ASCC3: variants seen among roughly 807,000 people sequenced by gnomAD.
ASCC3 encodes the protein activating signal cointegrator 1 complex subunit 3.
A neutral mutation model predicts 256.3 loss-of-function variants in ASCC3; 158 were observed. That is an observed-to-expected ratio of 0.62 (90% CI 0.54 to 0.70). ASCC3 has a LOEUF of 0.70. Among genes scored for constraint, ASCC3 ranks in the 30% least tolerant of loss-of-function variants. The probability of loss-of-function intolerance (pLI) is 0.00; values close to 1 mark genes in which losing one functional copy is unlikely to be tolerated. For missense variants in ASCC3, 2,259 were observed against 2,626.0 expected, an observed-to-expected ratio of 0.86 and a Z score of 3.05; for synonymous variants, 948 against 883.4, an observed-to-expected ratio of 1.07 and a Z score of -1.30.
At position 100,512,772 on chromosome 6, in the gene ASCC3, C is replaced by T. The variant is rs1444027125; in HGVS notation, c.6222G>A (p.Leu2074=). ...DKRDDNKWIK[L]HADQEYVLQV... ...GAAGCACATACTCTTGGTCAGCATG[C>T]AATTTGATCCATTTGTTGTCATCTC... is the stretch of plus-strand genomic sequence containing the variant. The change falls in exon 40 of 42, where the codon TTG becomes TTA. Residue 2074 remains leucine (L), a synonymous_variant. Coordinates refer to ENST00000369162, the MANE Select transcript of ASCC3 (RefSeq NM_006828.4). 2.5e-6 allele frequency: 4 copies of T among 1,613,996 alleles called. No homozygotes were observed. Among genetic ancestry groups the T allele is most frequent in the Non-Finnish European group, 3.4e-6 (4 of 1,180,006 alleles).
intron 37 of ASCC3, among the ~76,000 whole-genome samples, chr6:100,532,723 G>A (rs1774978041): frequency 6.6e-6 from 1 of 151,824 alleles, no homozygotes; most frequent in Non-Finnish European, 1.5e-5. Flanking sequence ...CATTAAAACT[G>A]CTTTTCATTT....
intron 30 of ASCC3, among the ~76,000 whole-genome samples, chr6:100,623,564 G>T (rs1774073048): frequency 6.6e-6 from 1 of 152,084 alleles, no homozygotes; most frequent in Non-Finnish European, 1.5e-5. Flanking sequence ...TTGGAACATT[G>T]TTTTTTACTG....
intron 30 of ASCC3, among the ~76,000 whole-genome samples, chr6:100,623,532 T>C (rs758973041): frequency 6.6e-6 from 1 of 152,172 alleles, no homozygotes; most frequent in Non-Finnish European, 1.5e-5. Flanking sequence ...ATGCAAACTG[T>C]TAATCCTGGG....
At chr6:100,643,420 T>C (rs77440142) in intron 23 of ASCC3, among the ~76,000 whole-genome samples, 4,605 of 152,212 alleles carry the variant, frequency 0.03, 75 homozygotes, top group African/African-American at 0.055. Context: ...ATCCTACCTA[T>C]TTTACATATT....
chr6:100,529,055 T>C (rs983920185), intron 37 of ASCC3, among the ~76,000 whole-genome samples: 3 of 152,146 alleles, frequency 2.0e-5, no homozygotes, highest in African/African-American at 7.2e-5. Flanking sequence ...GGTGGCACCA[T>C]CAGTGGTGGT....
rs573278085 is a variant in ASCC3, at chr6:100,556,625, G to A, written c.5551-16238C>T. Among the ~76,000 whole-genome samples, 5 of 152,248 alleles carry A rather than the reference G, an allele frequency of 3.3e-5. 1 individual carries two copies. Among genetic ancestry groups the A allele is most frequent in the African/African-American group, 1.2e-4 (5 of 41,560 alleles). On this transcript the variant is annotated intron_variant, in intron 36 of 41. Transcript: ENST00000369162. ...GGAGGACCTTGACAGCCAGGCTAACGAAATAATTCTTTATTATGTATATAA... is the reference window on the plus strand; with the variant it reads ...GGAGGACCTTGACAGCCAGGCTAACAAAATAATTCTTTATTATGTATATAA...
At chr6:100,741,305 C>A (rs1447674701) in intron 10 of ASCC3, among the ~76,000 whole-genome samples, 1 of 152,116 alleles carries the variant, frequency 6.6e-6, no homozygotes, top group Non-Finnish European at 1.5e-5. Context: ...TCTCTGGCTG[C>A]CCTTAACATT....
intron 30 of ASCC3, among the ~76,000 whole-genome samples, chr6:100,609,709 G>A (rs972134388): frequency 3.9e-5 from 6 of 152,024 alleles, no homozygotes; most frequent in Non-Finnish European, 7.4e-5. Context: ...TCAGGAAATC[G>A]AGACTAGCCT....
intron 37 of ASCC3, among the ~76,000 whole-genome samples, chr6:100,536,332 T>C (rs1242085111): frequency 6.6e-6 from 1 of 152,168 alleles, no homozygotes; most frequent in Admixed American, 6.5e-5. Context: ...ATGATAAATA[T>C]AGATGTTTTT....
intron 30 of ASCC3, among the ~76,000 whole-genome samples, chr6:100,619,589 T>C (rs1189247539): frequency 6.6e-6 from 1 of 152,158 alleles, no homozygotes; most frequent in Non-Finnish European, 1.5e-5. Flanking sequence ...TCATGACTGG[T>C]TGAAGAAAAA....
intron 4 of ASCC3, among the ~76,000 whole-genome samples, chr6:100,839,181 C>T (rs1486071958): frequency 1.3e-5 from 2 of 151,996 alleles, no homozygotes; most frequent in Non-Finnish European, 2.9e-5. Context: ...TCCAGCATTC[C>T]CTTCTTAAAT....
intron 8 of ASCC3, among the ~76,000 whole-genome samples, chr6:100,769,185 G>C (rs1264200874): frequency 6.6e-6 from 1 of 152,166 alleles, no homozygotes; most frequent in Middle Eastern, 3.4e-3. Context: ...CATCGAAGTA[G>C]AGAGTATAAT....
chr6:100,523,490 T>G (rs1421099894), intron 37 of ASCC3, among the ~76,000 whole-genome samples: 1 of 152,102 alleles, frequency 6.6e-6, no homozygotes, highest in Non-Finnish European at 1.5e-5. Flanking sequence ...CCAGAGTATG[T>G]GGGCAAGAAC....
intron 36 of ASCC3, among the ~76,000 whole-genome samples, chr6:100,588,869 A>G (rs1215944365): frequency 6.6e-6 from 1 of 152,128 alleles, no homozygotes; most frequent in Non-Finnish European, 1.5e-5. Context: ...GAAGGACTTT[A>G]AAGACAGAAT....
In ASCC3 at chr6:100,800,438, G is replaced by A; in HGVS notation, c.989C>T (p.Ser330Phe). 1 of 1,612,200 alleles carries A rather than the reference G, an allele frequency of 6.2e-7. No individual in the cohort carries two copies. Among genetic ancestry groups the A allele is most frequent in the Non-Finnish European group, 8.5e-7 (1 of 1,179,138 alleles). ...TTTCATTAACTGCTTTTCTTGTTCAGACTGAATAGTGACTTGACAACCATA... is the reference window on the plus strand; with the variant it reads ...TTTCATTAACTGCTTTTCTTGTTCAAACTGAATAGTGACTTGACAACCATA... ...PNYGCQVTIQ[S>F]EQEKQLMKQY... Residue 330 changes from serine (S) to phenylalanine (F), a missense_variant, in exon 6 of 42, where the codon TCT becomes TTT. By Grantham distance (155) the Ser-to-Phe change is radical. This residue lies in a region of ASCC3 where 420 missense variants were observed against 419.3 expected (regional missense o/e 1.00). Transcript: ENST00000369162.
intron 37 of ASCC3, among the ~76,000 whole-genome samples, chr6:100,532,374 G>GTGTC (rs1774934164): frequency 1.2e-5 from 1 of 84,596 alleles, no homozygotes; most frequent in African/African-American, 4.9e-5. Context: ...GTGTGTGTAT[G>GTGTC]TGTGTATATA....
chr6:100,600,370 C>T (rs1300977136), intron 34 of ASCC3, among the ~76,000 whole-genome samples: 1 of 152,088 alleles, frequency 6.6e-6, no homozygotes, highest in Non-Finnish European at 1.5e-5. Context: ...GAAGATTGGG[C>T]TAGAATAAAT....
intron 36 of ASCC3, among the ~76,000 whole-genome samples, chr6:100,557,329 TG>T (rs1379491758): frequency 1.3e-5 from 2 of 152,162 alleles, no homozygotes; most frequent in Admixed American, 1.3e-4. Flanking sequence ...TCATAAGTAC[TG>T]TTATGTTGTG....
At chr6:100,741,758 C>T (rs1163252181) in intron 10 of ASCC3, among the ~76,000 whole-genome samples, 2 of 152,108 alleles carry the variant, frequency 1.3e-5, no homozygotes, top group Non-Finnish European at 2.9e-5. Context: ...TCAAAACTGG[C>T]TATTTTGGCT....
Sources: allele counts gnomAD v4.1 joint callset (sites outside exome capture counted in the v4.1 genomes callset), GRCh38; gene constraint gnomAD v4.1.1; regional missense constraint gnomAD v4.1.1; transcripts MANE v1.5; gene names NCBI Gene and HGNC (gene_info 2026-07-23, HGNC 2026-07-21).